The following HEATR5A variants were observed in gnomAD, a reference collection of about 807,000 sequenced individuals.
The protein encoded by HEATR5A is HEAT repeat containing 5A.
HEATR5A carries 178 observed loss-of-function variants against 218.8 expected under a neutral mutation model. The ratio of observed to expected loss-of-function variants is 0.81; its 90% confidence interval spans 0.72 to 0.92. HEATR5A has a LOEUF of 0.92. HEATR5A is among the 40% of genes least tolerant of loss of function. The pLI, the probability that HEATR5A is intolerant of heterozygous loss-of-function variation, is 0.00. For synonymous variants in HEATR5A, 864 were observed against 871.6 expected (o/e 0.99, Z 0.15); for missense variants, 2,420 against 2,418.9 (o/e 1.00, Z -0.01).
intron 16 of HEATR5A, among the ~76,000 whole-genome samples, chr14:31,355,277 G>A (rs1424388109): frequency 6.6e-6 from 1 of 152,170 alleles, no homozygotes; most frequent in Non-Finnish European, 1.5e-5. Context: ...AGCCAGGCAT[G>A]GTGGCGTGTG....
chr14:31,346,952 T>C (rs1039337206), intron 19 of HEATR5A, among the ~76,000 whole-genome samples: 4 of 152,170 alleles, frequency 2.6e-5, no homozygotes, highest in African/African-American at 9.7e-5. Context: ...TACAACGATA[T>C]GGTAAAGTGG....
In HEATR5A at chr14:31,337,606, A is replaced by G. The variant is rs756512787; in HGVS notation, c.3237T>C (p.Leu1079=). 5.6e-6 allele frequency: 9 copies of G among 1,600,922 alleles called. No homozygotes were observed. In the African/African-American group the frequency reaches 1.1e-4, roughly 19 times the overall value. The change falls in exon 22 of 36, where the codon CTT becomes CTC. Residue 1079 remains leucine (L), a synonymous_variant. Coordinates refer to ENST00000543095, the MANE Select transcript of HEATR5A (RefSeq NM_015473.4). ...TTCTCAGTAACAAGTAGGGGCTACAAAGATTCACCTGAAAAATACCATTTG... is the reference window on the plus strand; with the variant it reads ...TTCTCAGTAACAAGTAGGGGCTACAGAGATTCACCTGAAAAATACCATTTG... The part of the protein sequence containing the change: ...SSLVSCLCVN[L]CSPYLLLRRA...
intron 13 of HEATR5A, among the ~76,000 whole-genome samples, chr14:31,366,218 G>T (rs1419514712): frequency 6.6e-6 from 1 of 152,118 alleles, no homozygotes; most frequent in Non-Finnish European, 1.5e-5. Context: ...AGGATATGGT[G>T]AGCTATGACT....
intron 22 of HEATR5A, among the ~76,000 whole-genome samples, chr14:31,334,870 C>T (rs926474181): frequency 1.7e-4 from 25 of 142,986 alleles, no homozygotes; most frequent in Middle Eastern, 4.1e-3. Flanking sequence ...GGCGGAAACC[C>T]GGGAGGCGGA....
At chr14:31,415,205 T>G (rs2031405822) in intron 1 of HEATR5A, among the ~76,000 whole-genome samples, 1 of 152,176 alleles carries the variant, frequency 6.6e-6, no homozygotes, top group Non-Finnish European at 1.5e-5. Flanking sequence ...TTAGCTAAAT[T>G]TCTAACCTCT....
chr14:31,378,837 T>C (rs1408963615), intron 11 of HEATR5A, among the ~76,000 whole-genome samples: 2 of 151,930 alleles, frequency 1.3e-5, no homozygotes, highest in Non-Finnish European at 2.9e-5. Context: ...AGTTCTTCAT[T>C]TATGATTGTT....
At chr14:31,360,378 C>T (rs753965126) in intron 14 of HEATR5A, among the ~76,000 whole-genome samples, 1 of 152,044 alleles carries the variant, frequency 6.6e-6, no homozygotes, top group Non-Finnish European at 1.5e-5. Flanking sequence ...TGTATCTAGA[C>T]GGGGCTCATT....
chr14:31,350,680 G>A lies in HEATR5A; in HGVS notation c.2449C>T (p.His817Tyr). The A allele has an allele frequency of 1.3e-6, 2 of 1,599,152 alleles. No homozygotes were observed. Among genetic ancestry groups the A allele is most frequent in the Non-Finnish European group, 1.7e-6 (2 of 1,170,300 alleles). Residue 817 changes from histidine to tyrosine, a missense_variant, in exon 17 of 36, where the codon CAC (histidine) becomes TAC (tyrosine). Coordinates refer to ENST00000543095, the MANE Select transcript of HEATR5A (RefSeq NM_015473.4). ...ACTTGCTGACGAGCTCCTTTTGTGT[G>A]CTTTATACTGTCCAAAAGCTGTTCC... ...ILEQLLDSIKHTKGARQQVVQ... is the reference protein window; with the variant it reads ...ILEQLLDSIKYTKGARQQVVQ...
intron 33 of HEATR5A, among the ~76,000 whole-genome samples, chr14:31,301,512 G>A (rs997638118): frequency 1.3e-5 from 2 of 152,216 alleles, no homozygotes; most frequent in Admixed American, 6.5e-5. Context: ...CACATATTAA[G>A]TTACTGCTCT....
intron 1 of HEATR5A, among the ~76,000 whole-genome samples, chr14:31,411,319 C>T (rs969741220): frequency 3.5e-5 from 1 of 28,478 alleles, no homozygotes; most frequent in Non-Finnish European, 8.2e-5. Flanking sequence ...AAGTCCAACA[C>T]AAGAGAAATG....
chr14:31,326,432 A>C, intron 22 of HEATR5A, 90 bp from the exon 23 acceptor site: 1 of 910,782 alleles, frequency 1.1e-6, no homozygotes, highest in African/African-American at 1.7e-5. Context: ...TTCAAATAGT[A>C]GATAAAAATA....
chr14:31,301,261 T>G (rs373975843), intron 33 of HEATR5A, among the ~76,000 whole-genome samples: 1 of 152,216 alleles, frequency 6.6e-6, no homozygotes, highest in East Asian at 1.9e-4. Flanking sequence ...TTTTTTTGTT[T>G]GTTTGTTTTT....
Position 31,326,343 on chromosome 14 carries a change from C to A in HEATR5A, c.3368-1G>T, listed in dbSNP as rs368616193. 1 of 1,605,466 alleles carries A rather than the reference C, an allele frequency of 6.2e-7. No homozygotes were observed. Among genetic ancestry groups the A allele is most frequent in the Non-Finnish European group, 8.5e-7 (1 of 1,176,584 alleles). On this transcript the variant is annotated splice_acceptor_variant, in intron 22 of 35. Coordinates refer to ENST00000543095, the MANE Select transcript of HEATR5A (RefSeq NM_015473.4). LOFTEE classifies it high-confidence loss of function. ...AGGCCAACTTCTCTGATGTTAGCATCTGACAAGAAGAAAATCAATTATCTA... is the reference window on the plus strand; with the variant it reads ...AGGCCAACTTCTCTGATGTTAGCATATGACAAGAAGAAAATCAATTATCTA...
chr14:31,358,520 A>AT, intron 16 of HEATR5A, 117 bp downstream of exon 16: 1 of 926,738 alleles, frequency 1.1e-6, no homozygotes, highest in Non-Finnish European at 1.6e-6. Flanking sequence ...AAAAACTTAT[A>AT]TTTCACCTTC....
intron 33 of HEATR5A, chr14:31,297,645 T>C (rs1427718729): frequency 6.6e-6 from 1 of 152,056 alleles, no homozygotes; most frequent in African/African-American, 2.4e-5. Flanking sequence ...ATTTATTTTA[T>C]AAAAGACATC....
At position 31,383,525 on chromosome 14, in the gene HEATR5A, C is replaced by T. The variant is rs1032687945; in HGVS notation, c.1592G>A (p.Gly531Asp). Residue 531 changes from glycine (G) to aspartate (D), a missense_variant, in exon 10 of 36, where the codon GGC becomes GAC. Gly to Asp is a moderately conservative substitution (Grantham distance 94, BLOSUM62 -1). Transcript: ENST00000543095. ...HCPLGIPHGKGKIIMTLAEDL... is the reference protein window; with the variant it reads ...HCPLGIPHGKDKIIMTLAEDL... ...CATAGAGAATGAAATCATTACCTTG[C>T]CTTTTCCATGAGGAATTCCTAAAGG... 8.7e-6 allele frequency: 14 copies of T among 1,610,370 alleles called. No homozygotes were observed. Among genetic ancestry groups the T allele is most frequent in the Non-Finnish European group, 1.2e-5 (14 of 1,177,222 alleles).
chr14:31,336,217 C>CATATATAT (rs3033610), intron 22 of HEATR5A, among the ~76,000 whole-genome samples: 30 of 38,126 alleles, frequency 7.9e-4, no homozygotes, highest in South Asian at 1.9e-3. Context: ...TACATACATA[C>CATATATAT]ATATATATAT....
chr14:31,383,737 AT>A lies in HEATR5A; in HGVS notation c.1379del (p.His460LeufsTer8). Reference sequence around the variant, plus strand: ...CTGCTAGTCGAACAGAAATGCTAGGATGAAGAATAACTGACAAGATACTGTC... The same window carrying A: ...CTGCTAGTCGAACAGAAATGCTAGGAGAAGAATAACTGACAAGATACTGTC... The part of the protein sequence containing the change: ...LLDSILSVIL[H>X]PSISVRLAAA... On this transcript the variant is annotated frameshift_variant, in exon 10 of 36. Transcript: ENST00000543095. LOFTEE classifies it high-confidence loss of function. 1 of 1,613,618 alleles carries A rather than the reference AT, an allele frequency of 6.2e-7. No homozygotes were observed. The highest frequency in any genetic ancestry group is 8.5e-7 in the Non-Finnish European group (1 of 1,179,668).
intron 27 of HEATR5A, among the ~76,000 whole-genome samples, chr14:31,314,162 G>A (rs1349186043): frequency 6.6e-6 from 1 of 152,088 alleles, no homozygotes; most frequent in Non-Finnish European, 1.5e-5. Context: ...TGACCAGGCT[G>A]GTCTTGAACT....
Sources: gnomAD v4.1 joint callset for allele counts (sites outside exome capture counted in the v4.1 genomes callset) on GRCh38, gnomAD v4.1.1 for gene constraint, MANE v1.5 for transcripts, NCBI Gene and HGNC (gene_info 2026-07-23, HGNC 2026-07-21) for gene names.